Variants in ZNF532 observed in about 807,000 individuals in gnomAD.
ZNF532 encodes the protein zinc finger protein 532.
ZNF532 carries 22 observed loss-of-function variants against 89.3 expected under a neutral mutation model. That is an observed-to-expected ratio of 0.25 (90% CI 0.18 to 0.35). The LOEUF (loss-of-function observed/expected upper bound fraction) is 0.35, where lower values mean the gene tolerates loss of function less well. Ranked by LOEUF, ZNF532 falls within the 10% of genes least tolerant of loss-of-function variation. The pLI, the probability that ZNF532 is intolerant of heterozygous loss-of-function variation, is 1.00. For missense variants in ZNF532, 1,132 were observed against 1,643.4 expected (o/e 0.69, Z 5.38); for synonymous variants, 606 against 649.6 (o/e 0.93, Z 1.02).
In ZNF532 at chr18:58,934,585, T is replaced by C. The variant is rs762480091; in HGVS notation, c.2499T>C (p.Cys833=). ...TCCAGACCCACGTCACCAAGAACTG[T>C]CTGCACTACACGAGGAGAGTTGGTT... ...VHFQTHVTKN[C]LHYTRRVGFR... Residue 833 remains cysteine (C), a synonymous_variant, in exon 4 of 10, where the codon TGT becomes TGC. Transcript: ENST00000591808. 3.7e-6 allele frequency: 6 copies of C among 1,614,108 alleles called. No homozygotes were observed. Among genetic ancestry groups the C allele is most frequent in the South Asian group, 1.1e-5 (1 of 91,070 alleles).
intron 3 of ZNF532, among the ~76,000 whole-genome samples, chr18:58,928,799 A>G (rs2061727184): frequency 6.6e-6 from 1 of 152,224 alleles, no homozygotes; most frequent in African/African-American, 2.4e-5. Context: ...GCTTTGGGTT[A>G]CGTTGAGAAA....
chr18:58,895,200 C>T (rs1048353509), intron 2 of ZNF532, among the ~76,000 whole-genome samples: 3 of 152,182 alleles, frequency 2.0e-5, no homozygotes, highest in African/African-American at 7.2e-5. Context: ...TGGTGGCCCT[C>T]CACTGAGCAG....
chr18:58,963,641 G>GTGTGTA (rs1314621213), intron 7 of ZNF532, among the ~76,000 whole-genome samples: 1 of 124,594 alleles, frequency 8.0e-6, no homozygotes, highest in African/African-American at 2.9e-5. Context: ...GTGTGTGTGT[G>GTGTGTA]TGTGTATGTA....
intron 2 of ZNF532, among the ~76,000 whole-genome samples, chr18:58,914,133 C>CT (rs1400057653): frequency 1.3e-5 from 2 of 152,194 alleles, no homozygotes; most frequent in East Asian, 1.9e-4. Context: ...TAACTTTTGA[C>CT]TTCTGCCAAC....
intron 7 of ZNF532, among the ~76,000 whole-genome samples, chr18:58,957,419 A>G (rs2064898362): frequency 6.8e-6 from 1 of 146,866 alleles, no homozygotes. Context: ...ATATATATAT[A>G]TATATATATA....
intron 2 of ZNF532, among the ~76,000 whole-genome samples, chr18:58,898,819 C>T (rs534368566): frequency 6.6e-6 from 1 of 152,350 alleles, no homozygotes; most frequent in African/African-American, 2.4e-5. Flanking sequence ...TTCTCTGGTA[C>T]CCCAGGGCAG....
chr18:58,912,554 C>T (rs1047495047), intron 2 of ZNF532, among the ~76,000 whole-genome samples: 4 of 151,918 alleles, frequency 2.6e-5, no homozygotes, highest in African/African-American at 9.7e-5. Flanking sequence ...TTGTTGGTGT[C>T]CCATTGTGTC....
At chr18:58,899,877 G>GATCTTGAT (rs2059491259) in intron 2 of ZNF532, among the ~76,000 whole-genome samples, 1 of 152,110 alleles carries the variant, frequency 6.6e-6, no homozygotes, top group South Asian at 2.1e-4. Context: ...CTTGGGGAGA[G>GATCTTGAT]ATCTTGATTT....
intron 7 of ZNF532, among the ~76,000 whole-genome samples, chr18:58,971,747 C>G (rs1038681650): frequency 3.3e-5 from 5 of 152,110 alleles, no homozygotes; most frequent in Non-Finnish European, 5.9e-5. Flanking sequence ...TTTTTCACAA[C>G]CTTTATATTG....
In ZNF532 at chr18:58,919,811, G is replaced by A. The variant is rs757564315; in HGVS notation, c.1524G>A (p.Pro508=). 9.9e-6 allele frequency: 16 copies of A among 1,613,848 alleles called. No homozygotes were observed. The highest frequency in any genetic ancestry group is 5.5e-5 in the South Asian group (5 of 91,054). ...TCCAGCAGCAAACTGTCGTGGTGCCGGCATCCAGCCTGGCCAATGCCAAAC... is the reference window on the plus strand; with the variant it reads ...TCCAGCAGCAAACTGTCGTGGTGCCAGCATCCAGCCTGGCCAATGCCAAAC... ...NAIQQQTVVV[P]ASSLANAKLV... is the part of the protein sequence containing the mutation. Residue 508 remains proline (P), a synonymous_variant, in exon 3 of 10, where the codon CCG becomes CCA. Transcript: ENST00000591808. This position sits in a 1 kb window ranked among gnomAD's most constrained non-coding sequence, Gnocchi z 6.1.
At chr18:58,949,484 A>C (rs1054569560) in intron 6 of ZNF532, among the ~76,000 whole-genome samples, 2 of 152,008 alleles carry the variant, frequency 1.3e-5, no homozygotes, top group African/African-American at 4.8e-5. Flanking sequence ...GGATCACTTG[A>C]GACCAACATG....
chr18:58,863,474 C>CGG (rs2056135675), upstream of ZNF532: 2 of 137,002 alleles, frequency 1.5e-5, no homozygotes, highest in African/African-American at 2.6e-5. Flanking sequence ...CTCGCCCGCG[C>CGG]TCCCTTTTGT....
rs149046805 is a variant in ZNF532 at position 58,949,025 on chromosome 18, T to G, written c.2868+796T>G. ...TTGTAATTAATGCCCCTAAACCTTT[T>G]AGTTTCTTTTTTTTTTTTCTGTAAA... On this transcript the variant is annotated intron_variant, in intron 6 of 9. Coordinates refer to ENST00000591808, the MANE Select transcript of ZNF532 (RefSeq NM_001375912.1). 2.8e-4 allele frequency among the ~76,000 whole-genome samples: 42 copies of G among 152,230 alleles called. 2 individuals are homozygous for G. In the East Asian group the frequency reaches 6.6e-3, roughly 24 times the overall value.
At chr18:58,916,058 C>T (rs570486017) in intron 2 of ZNF532, among the ~76,000 whole-genome samples, 152 of 152,216 alleles carry the variant, frequency 1.0e-3, no homozygotes, top group Non-Finnish European at 1.2e-3. Context: ...CTTTTCAGTC[C>T]CTTTCAACCC....
At position 58,888,890 on chromosome 18, in the gene ZNF532, T is replaced by TA. The variant is rs1568249226; in HGVS notation, c.-18+23311_-18+23312insA. On this transcript the variant is annotated intron_variant, in intron 2 of 9. Transcript: ENST00000591808. Reference sequence around the variant, plus strand: ...TATAATATATATTATATATATATATTTTATATATATATATATATATATAAT... The same window carrying TA: ...TATAATATATATTATATATATATATTATTATATATATATATATATATATAAT... Among the ~76,000 whole-genome samples, 32 of 34,396 alleles carry TA rather than the reference T, an allele frequency of 9.3e-4. 2 individuals carry two copies. The East Asian group carries it at 0.016, about 17-fold the overall frequency. The allele number at this position is 34,396 out of a possible 152,430, so 22.6% of individuals were successfully genotyped here.
At chr18:58,890,531 A>G (rs568276532) in intron 2 of ZNF532, among the ~76,000 whole-genome samples, 8 of 150,582 alleles carry the variant, frequency 5.3e-5, no homozygotes, top group Non-Finnish European at 1.5e-5. Context: ...CAAAATCCCA[A>G]TGACCCCGCA....
Position 58,918,530 on chromosome 18 carries a change from C to T in ZNF532, c.243C>T (p.Gly81=). 6.2e-7 allele frequency: 1 copy of T among 1,614,180 alleles called. No individual in the cohort carries two copies. Residue 81 remains glycine, a synonymous_variant, in exon 3 of 10, where the codon GGC becomes GGT. Coordinates refer to ENST00000591808, the MANE Select transcript of ZNF532 (RefSeq NM_001375912.1). ...CTTCCGAGGGCGGGGAGAAAGACGG[C>T]CACAACCCCACTGGCAATGGCTTAC... is the stretch of plus-strand genomic sequence containing the variant. ...IDSSEGGEKD[G]HNPTGNGLHN...
chr18:58,939,498 T>C lies in ZNF532; in HGVS notation c.2582T>C (p.Ile861Thr). 6.2e-7 allele frequency: 1 copy of C among 1,614,108 alleles called. No homozygotes were observed. ...YSDVAALKSH[I>T]QGSHCEVFYK... ...GATGTGGCTGCTCTGAAGTCTCACA[T>C]TCAAGGTTCTCACTGTGAAGTCTTC... Residue 861 changes from isoleucine to threonine, a missense_variant, in exon 5 of 10, where the codon ATT (isoleucine) becomes ACT (threonine). Ile to Thr is a moderately conservative substitution (Grantham distance 89). Transcript: ENST00000591808.
chr18:58,890,264 A>G (rs866844519), intron 2 of ZNF532, among the ~76,000 whole-genome samples: 4 of 151,680 alleles, frequency 2.6e-5, no homozygotes, highest in Non-Finnish European at 2.9e-5. Flanking sequence ...ATATATATAC[A>G]CACACATACA....
Sources: allele counts gnomAD v4.1 joint callset (sites outside exome capture counted in the v4.1 genomes callset), GRCh38; gene constraint gnomAD v4.1.1; non-coding constraint Gnocchi (gnomAD v3.1); transcripts MANE v1.5; gene names NCBI Gene and HGNC (gene_info 2026-07-23, HGNC 2026-07-21).